Variants in CCDC149 observed in about 807,000 individuals in gnomAD.
CCDC149 encodes the protein coiled-coil domain-containing protein 149.
CCDC149 carries 45 observed loss-of-function variants against 59.9 expected under a neutral mutation model. That is an observed-to-expected ratio of 0.75 (90% CI 0.59 to 0.96). CCDC149 has a LOEUF of 0.96. Among genes scored for constraint, CCDC149 ranks in the 40% least tolerant of loss-of-function variants. The pLI, the probability that CCDC149 is intolerant of heterozygous loss-of-function variation, is 0.00. For synonymous variants in CCDC149, 245 were observed against 260.6 expected, an observed-to-expected ratio of 0.94 and a Z score of 0.58; for missense variants, 584 against 664.7, an observed-to-expected ratio of 0.88 and a Z score of 1.33.
intron 12 of CCDC149, among the ~76,000 whole-genome samples, chr4:24,813,500 A>ATATATATATATC (rs1714783444): frequency 1.7e-4 from 3 of 18,148 alleles, no homozygotes; most frequent in African/African-American, 3.8e-4. Flanking sequence ...ATATATATAT[A>ATATATATATATC]TATATATATA....
intron 3 of CCDC149, among the ~76,000 whole-genome samples, chr4:24,856,290 C>T (rs1478435609): frequency 6.6e-6 from 1 of 152,224 alleles, no homozygotes; most frequent in East Asian, 1.9e-4. Context: ...CCTGGAGATA[C>T]AGCAGCAAAC....
chr4:24,858,455 C>T (rs1443510623), intron 3 of CCDC149, among the ~76,000 whole-genome samples: 2 of 152,136 alleles, frequency 1.3e-5, no homozygotes, highest in African/African-American at 2.4e-5. Flanking sequence ...GACATTTTTG[C>T]TCTGATAATA....
intron 3 of CCDC149, among the ~76,000 whole-genome samples, chr4:24,863,053 G>A (rs562386733): frequency 2.6e-5 from 4 of 152,200 alleles, no homozygotes; most frequent in Admixed American, 1.3e-4. Flanking sequence ...AGCACTTTGG[G>A]GGGCTGAGGC....
At chr4:24,825,980 T>C (rs1014048454) in intron 9 of CCDC149, among the ~76,000 whole-genome samples, 1 of 151,902 alleles carries the variant, frequency 6.6e-6, no homozygotes, top group Admixed American at 6.6e-5. Context: ...TTAAGAGACG[T>C]AGTCTTACTC....
intron 1 of CCDC149, among the ~76,000 whole-genome samples, chr4:24,962,287 C>T (rs1468660487): frequency 6.6e-6 from 1 of 151,902 alleles, no homozygotes; most frequent in African/African-American, 2.4e-5. Flanking sequence ...GTTAGAATGG[C>T]GATCATTAAA....
intron 1 of CCDC149, among the ~76,000 whole-genome samples, chr4:24,882,410 T>G (rs1719903367): frequency 6.6e-6 from 1 of 152,228 alleles, no homozygotes; most frequent in African/African-American, 2.4e-5. Flanking sequence ...TTCAGTCAAA[T>G]ATTTTCTGGG....
intron 1 of CCDC149, among the ~76,000 whole-genome samples, chr4:24,944,040 C>G (rs1723031869): frequency 1.3e-5 from 2 of 152,156 alleles, no homozygotes; most frequent in Non-Finnish European, 2.9e-5. Flanking sequence ...CCCAGCCATC[C>G]CATTACTGGG....
intron 1 of CCDC149, among the ~76,000 whole-genome samples, chr4:24,918,530 A>C (rs141399958): frequency 5.3e-5 from 8 of 152,268 alleles, no homozygotes; most frequent in African/African-American, 1.9e-4. Flanking sequence ...ACAGTAGGAG[A>C]ATTGCCTCCC....
chr4:24,808,439 C>G lies in CCDC149; in HGVS notation c.1573G>C (p.Gly525Arg). ...CCTCCGCCCTCTGGGATCCCTTTGC[C>G]GTCTTCCGGTGTGGAAGCTTTGGCT... The change falls in exon 13 of 13, where the codon GGC becomes CGC. Residue 525 changes from glycine (G) to arginine (R), a missense_variant. Transcript: ENST00000635206. 6.8e-7 allele frequency: 1 copy of G among 1,461,198 alleles called. No homozygotes were observed. The highest frequency in any genetic ancestry group is 9.0e-7 in the Non-Finnish European group (1 of 1,105,960). The allele number at this position is 1,461,198 out of a possible 1,614,324, so 90.5% of individuals were successfully genotyped here. A position where few individuals can be genotyped will look rare whatever the true frequency, so the allele number is the denominator to read the frequency against.
chr4:24,878,293 G>T (rs917710832), intron 1 of CCDC149, among the ~76,000 whole-genome samples: 1 of 151,688 alleles, frequency 6.6e-6, no homozygotes, highest in African/African-American at 2.4e-5. Flanking sequence ...ATTCTGAGAC[G>T]GATTTGAGTT....
intron 1 of CCDC149, 115 bp downstream of exon 1, chr4:24,912,702 T>G: frequency 1.4e-6 from 1 of 696,780 alleles, no homozygotes. Context: ...CCGCGGCCAC[T>G]TGGAGTGCGC....
At chr4:24,895,536 A>C (rs1436614968) in intron 1 of CCDC149, among the ~76,000 whole-genome samples, 3 of 152,160 alleles carry the variant, frequency 2.0e-5, no homozygotes, top group Non-Finnish European at 4.4e-5. Context: ...CGGTGTTTAA[A>C]GTTAAAATCC....
chr4:24,875,960 C>T (rs1181261682), intron 2 of CCDC149, among the ~76,000 whole-genome samples: 1 of 152,082 alleles, frequency 6.6e-6, no homozygotes, highest in Non-Finnish European at 1.5e-5. Context: ...AAAATTTCAA[C>T]AATAAATAAT....
chr4:24,945,340 A>T (rs1339770268), intron 1 of CCDC149, among the ~76,000 whole-genome samples: 1 of 152,182 alleles, frequency 6.6e-6, no homozygotes, highest in African/African-American at 2.4e-5. Flanking sequence ...TTATAAAGAG[A>T]GGAGAAGAGA....
chr4:24,939,806 T>C (rs1722900657), intron 1 of CCDC149, among the ~76,000 whole-genome samples: 1 of 151,828 alleles, frequency 6.6e-6, no homozygotes, highest in South Asian at 2.1e-4. Context: ...CGATGGAAGA[T>C]GAAATGAATG....
intron 1 of CCDC149, among the ~76,000 whole-genome samples, chr4:24,885,038 G>C (rs151231038): frequency 1.3e-5 from 2 of 152,298 alleles, no homozygotes; most frequent in Non-Finnish European, 2.9e-5. Context: ...ACAAAGGTGA[G>C]AGGCCAGAAG....
At position 24,922,097 on chromosome 4, in the gene CCDC149, T is replaced by C. The variant is rs1037565775; in HGVS notation, c.-64-26979A>G. Among the ~76,000 whole-genome samples the C allele has an allele frequency of 1.3e-5, 2 of 152,134 alleles. 1 individual carries two copies. The highest frequency in any genetic ancestry group is 2.9e-5 in the Non-Finnish European group (2 of 68,032). On this transcript the variant is annotated intron_variant, in intron 1 of 12. Coordinates refer to the CCDC149 transcript ENST00000389609. ...TGCATATCTGTCTCTGTGTCTAAAT[T>C]TCCCCTTTTTATAAGGACACCTGTC...
intron 9 of CCDC149, among the ~76,000 whole-genome samples, chr4:24,823,479 C>A (rs996697549): frequency 3.3e-5 from 5 of 152,146 alleles, no homozygotes; most frequent in Non-Finnish European, 7.4e-5. Flanking sequence ...AATTGAAAAA[C>A]CAGTCTTTAT....
At position 24,834,888 on chromosome 4, in the gene CCDC149, G is replaced by T. The variant is rs1716395564; in HGVS notation, c.820+60C>A. 8 of 1,282,248 alleles carry T rather than the reference G, an allele frequency of 6.2e-6. No homozygotes were observed. The Admixed American group carries it at 8.8e-5, about 14-fold the overall frequency. The allele number at this position is 1,282,248 out of a possible 1,614,324, so 79.4% of individuals were successfully genotyped here. On this transcript the variant is annotated intron_variant, in intron 8 of 12. Transcript: ENST00000635206. ...AAAGCAGCAGCCTGGATGGGATGTG[G>T]GCTTGCAGCTCTAGTATTTTACGCT...
Sources: allele counts gnomAD v4.1 joint callset (sites outside exome capture counted in the v4.1 genomes callset), GRCh38; gene constraint gnomAD v4.1.1; transcripts MANE v1.5; gene names NCBI Gene and HGNC (gene_info 2026-07-23, HGNC 2026-07-21).